Variants in MANSC4 observed in about 807,000 individuals in gnomAD.
The protein encoded by MANSC4 is MANSC domain-containing protein 4.
MANSC4 carries 11 observed loss-of-function variants against 11.4 expected under a neutral mutation model. The observed-to-expected ratio is 0.97, with a 90% CI of 0.61 to 1.60. MANSC4 has a LOEUF of 1.60. Among genes scored for constraint, MANSC4 ranks in the 40% most tolerant of loss-of-function variants. The pLI is 0.00. For missense variants in MANSC4, 354 were observed against 404.6 expected (o/e 0.88, Z 1.07); for synonymous variants, 123 against 147.1 (o/e 0.84, Z 1.19).
Position 27,771,240 on chromosome 12 carries a change from G to A in MANSC4, c.37C>T (p.Leu13Phe). The change falls in exon 2 of 4, where the codon CTC (leucine) becomes TTC (phenylalanine). Residue 13 changes from leucine to phenylalanine, a missense_variant. Leu to Phe is a conservative substitution (Grantham distance 22). Transcript: ENST00000381273. ...TCTGATGTCCACCCCATGCTTAGGA[G>A]CAATATCACGTTCACTGCTACCTCT... ...VAEVAVNVILLLSMGWTSDSL... is the reference protein window; with the variant it reads ...VAEVAVNVILFLSMGWTSDSL... The A allele has an allele frequency of 6.4e-7, 1 of 1,551,298 alleles. No individual in the cohort carries two copies. The highest frequency in any genetic ancestry group is 8.7e-7 in the Non-Finnish European group (1 of 1,147,070).
intron 3 of MANSC4, among the ~76,000 whole-genome samples, chr12:27,765,133 G>A (rs962036198): frequency 2.0e-5 from 3 of 152,102 alleles, no homozygotes; most frequent in African/African-American, 4.8e-5. Flanking sequence ...CACTGCACTC[G>A]GGCTTGCAAA....
At chr12:27,769,534 T>C (rs2062090977) in intron 2 of MANSC4, among the ~76,000 whole-genome samples, 1 of 152,226 alleles carries the variant, frequency 6.6e-6, no homozygotes, top group Non-Finnish European at 1.5e-5. Context: ...GGTAAATTCA[T>C]GCTACGGGAA....
rs2062054956 is a variant in MANSC4, at chr12:27,763,072, T to G, written c.689A>C (p.Lys230Thr). 2.6e-6 allele frequency: 4 copies of G among 1,551,736 alleles called. No homozygotes were observed. Among genetic ancestry groups the G allele is most frequent in the South Asian group, 2.4e-5 (2 of 84,064 alleles). Residue 230 changes from lysine (K) to threonine (T), a missense_variant, in exon 4 of 4, where the codon AAG becomes ACG. Coordinates refer to ENST00000381273, the MANE Select transcript of MANSC4 (RefSeq NM_001146221.5). ...GGGTTCAAAGAAAGGAGAAATAGTC[T>G]TATTATCTGGATTGCTGATGAAATC... ...STDFISNPDNKTISPFFEPID... is the reference protein window; with the variant it reads ...STDFISNPDNTTISPFFEPID...
Position 27,763,105 on chromosome 12 carries a change from G to GACTT in MANSC4, c.655_656insAAGT (p.Pro219GlnfsTer5). 6.4e-7 allele frequency: 1 copy of GACTT among 1,551,712 alleles called. No homozygotes were observed. Among genetic ancestry groups the GACTT allele is most frequent in the South Asian group, 1.2e-5 (1 of 84,060 alleles). On this transcript the variant is annotated frameshift_variant, in exon 4 of 4. Coordinates refer to ENST00000381273, the MANE Select transcript of MANSC4 (RefSeq NM_001146221.5). LOFTEE classifies it low-confidence loss of function (END_TRUNC). ...TGGATTGCTGATGAAATCAGTACTTGGTGACACCTTATTTATCTTTGTGGT... is the reference window on the plus strand; with the variant it reads ...TGGATTGCTGATGAAATCAGTACTTGACTTGTGACACCTTATTTATCTTTGTGGT...
intron 2 of MANSC4, among the ~76,000 whole-genome samples, chr12:27,768,218 C>T (rs901826138): frequency 6.6e-6 from 1 of 150,872 alleles, no homozygotes; most frequent in African/African-American, 2.4e-5. Context: ...GCCAACATGG[C>T]GAAACGTCGT....
At chr12:27,770,954 A>G in intron 2 of MANSC4, 94 bp downstream of exon 2, 1 of 894,228 alleles carries the variant, frequency 1.1e-6, no homozygotes, top group Non-Finnish European at 1.7e-6. Flanking sequence ...GTTCTTTACA[A>G]CTGTTTACTG....
chr12:27,770,923 C>T (rs150586717), intron 2 of MANSC4, 125 bp downstream of exon 2: 1 of 682,322 alleles, frequency 1.5e-6, no homozygotes, highest in East Asian at 2.7e-5. Context: ...CTCTCTCCCA[C>T]ACCCTAGGGC....
intron 2 of MANSC4, among the ~76,000 whole-genome samples, chr12:27,767,598 G>T (rs2062078450): frequency 6.6e-6 from 1 of 152,058 alleles, no homozygotes; most frequent in East Asian, 1.9e-4. Flanking sequence ...AGCTACTCGA[G>T]AGGCTGAGGC....
intron 2 of MANSC4, 108 bp from the exon 3 acceptor site, chr12:27,766,907 T>C (rs1354162502): frequency 6.7e-6 from 8 of 1,195,224 alleles, no homozygotes; most frequent in Non-Finnish European, 8.1e-6. Context: ...TTAACAGTAT[T>C]TTTCAGGGCA....
At chr12:27,775,352 G>C (rs1039691288) in intron 1 of MANSC4, among the ~76,000 whole-genome samples, 1 of 152,146 alleles carries the variant, frequency 6.6e-6, no homozygotes. Flanking sequence ...CGAAGAGGGA[G>C]AATTGCTTTG....
chr12:27,766,903 G>T, intron 2 of MANSC4, 104 bp from the exon 3 acceptor site: 1 of 1,227,504 alleles, frequency 8.1e-7, no homozygotes, highest in Non-Finnish European at 1.1e-6. Flanking sequence ...TGGATTAACA[G>T]TATTTTTCAG....
chr12:27,780,077 G>T lies in MANSC4; in HGVS notation c.-307+133C>A. The T allele has an allele frequency of 6.0e-6, 1 of 166,090 alleles. No homozygotes were observed. The highest frequency in any genetic ancestry group is 1.7e-4 in the East Asian group (1 of 5,724). 10.3% of individuals were successfully genotyped at this position (166,090 alleles called of 1,614,324 possible). A position where few individuals can be genotyped will look rare whatever the true frequency, so the allele number is the denominator to read the frequency against. On this transcript the variant is annotated intron_variant, in intron 1 of 3. Coordinates refer to ENST00000381273, the MANE Select transcript of MANSC4 (RefSeq NM_001146221.5). This position sits in a 1 kb window ranked among gnomAD's most constrained non-coding sequence, Gnocchi z 8.8. ...GCGCCGCCCGGGAGAGCCCGCGCGA[G>T]GACGCCCGCCGCGCTCCGCCGGCCC...
chr12:27,773,922 C>A (rs764703039), intron 1 of MANSC4, among the ~76,000 whole-genome samples: 1 of 151,990 alleles, frequency 6.6e-6, no homozygotes, highest in Non-Finnish European at 1.5e-5. Context: ...CTGAGATGGG[C>A]GGATCACTAG....
intron 1 of MANSC4, among the ~76,000 whole-genome samples, chr12:27,778,764 C>A (rs117344000): frequency 3.3e-5 from 5 of 152,198 alleles, no homozygotes; most frequent in East Asian, 1.9e-4. Context: ...TTTCTCCCCC[C>A]ACCCCCTTCC....
In MANSC4 at chr12:27,762,653, T is replaced by A. The variant is rs1345693173; in HGVS notation, c.*85A>T. On this transcript the variant is annotated 3_prime_UTR_variant, in exon 4 of 4. Coordinates refer to ENST00000381273, the MANE Select transcript of MANSC4 (RefSeq NM_001146221.5). ...GGCATGAACCACCACGCCCAGCCTA[T>A]TTTTTTTTTTTAACCAAACTGCGTT... The A allele has an allele frequency of 2.8e-6, 1 of 356,018 alleles. No homozygotes were observed. The highest frequency in any genetic ancestry group is 4.0e-6 in the Non-Finnish European group (1 of 251,466). 22.1% of individuals were successfully genotyped at this position (356,018 alleles called of 1,614,324 possible).
chr12:27,765,115 G>A (rs946968218), intron 3 of MANSC4, among the ~76,000 whole-genome samples: 28 of 152,166 alleles, frequency 1.8e-4, no homozygotes, highest in African/African-American at 5.8e-4. Flanking sequence ...GGAATTACAG[G>A]CGTGAGCCAC....
chr12:27,774,513 A>C (rs2062111973), intron 1 of MANSC4, among the ~76,000 whole-genome samples: 1 of 152,210 alleles, frequency 6.6e-6, no homozygotes, highest in South Asian at 2.1e-4. Context: ...CTATTCAAGC[A>C]CTTACCATCT....
chr12:27,773,940 G>A (rs2062109542), intron 1 of MANSC4, among the ~76,000 whole-genome samples: 1 of 152,172 alleles, frequency 6.6e-6, no homozygotes, highest in Non-Finnish European at 1.5e-5. Context: ...TAGAGGTCAG[G>A]AGTTTGAGAC....
Position 27,766,688 on chromosome 12 carries a change from G to C in MANSC4, c.341C>G (p.Ala114Gly). The change falls in exon 3 of 4, where the codon GCC (alanine) becomes GGC (glycine). Residue 114 changes from alanine to glycine, a missense_variant. Physicochemically the swap from Ala to Gly is moderately conservative, Grantham distance 60. Coordinates refer to ENST00000381273, the MANE Select transcript of MANSC4 (RefSeq NM_001146221.5). ...ACCGTCTGTTATGTTGTACAAAATG[G>C]CACTGGTTCCAGGCTCTAATATGCA... is the stretch of plus-strand genomic sequence containing the variant. Reference protein sequence around the residue: ...ESCILEPGTSAILYNITDGID... With the variant: ...ESCILEPGTSGILYNITDGID... 1.3e-6 allele frequency: 2 copies of C among 1,551,388 alleles called. No homozygotes were observed. Among genetic ancestry groups the C allele is most frequent in the Non-Finnish European group, 1.7e-6 (2 of 1,146,922 alleles).
Sources: gnomAD v4.1 joint callset for allele counts (sites outside exome capture counted in the v4.1 genomes callset) on GRCh38, gnomAD v4.1.1 for gene constraint, Gnocchi (gnomAD v3.1) non-coding constraint, MANE v1.5 for transcripts, NCBI Gene and HGNC (gene_info 2026-07-23, HGNC 2026-07-21) for gene names.